The following SPEG variants were observed in gnomAD, a reference collection of about 807,000 sequenced individuals.
SPEG encodes striated muscle enriched protein kinase, also known as striated muscle preferentially expressed protein kinase.
Under a neutral mutation model 300.4 loss-of-function variants are expected in SPEG, and 114 were observed. That is an observed-to-expected ratio of 0.38 (90% CI 0.33 to 0.44). The LOEUF (loss-of-function observed/expected upper bound fraction) is 0.44, where lower values mean the gene tolerates loss of function less well. SPEG is among the 20% of genes least tolerant of loss of function. The pLI is 1.00. For missense variants in SPEG, 4,201 were observed against 4,586.2 expected, an observed-to-expected ratio of 0.92 and a Z score of 2.43; for synonymous variants, 1,964 against 2,018.9, an observed-to-expected ratio of 0.97 and a Z score of 0.73.
At chr2:219,455,601 G>A (rs566758420) in intron 6 of SPEG, among the ~76,000 whole-genome samples, 1 of 152,310 alleles carries the variant, frequency 6.6e-6, no homozygotes, top group East Asian at 1.9e-4. Flanking sequence ...GGTCTCTCAA[G>A]CCTACACTCC....
rs1259324257 is a variant in SPEG at position 219,490,487 on chromosome 2, T to G, written c.9000T>G (p.Ala3000=). Reference sequence around the variant, plus strand: ...TCGTGGCCAAGATCGTGCCCTATGCTGCCGAGGGCAAGCGGCGGGTCCTGC... The same window carrying G: ...TCGTGGCCAAGATCGTGCCCTATGCGGCCGAGGGCAAGCGGCGGGTCCTGC... The part of the protein sequence containing the change: ...RTFVAKIVPY[A]AEGKRRVLQE... The change falls in exon 37 of 41, where the codon GCT becomes GCG. Residue 3000 remains alanine (A), a synonymous_variant. Coordinates refer to ENST00000312358, the MANE Select transcript of SPEG (RefSeq NM_005876.5). 6.2e-7 allele frequency: 1 copy of G among 1,613,634 alleles called. No homozygotes were observed.
At chr2:219,478,199 G>A in intron 22 of SPEG, 94 bp downstream of exon 22, 2 of 1,128,404 alleles carry the variant, frequency 1.8e-6, no homozygotes, top group Non-Finnish European at 2.6e-6. Context: ...AGTTTACAAA[G>A]TAGTCCCAAT....
chr2:219,483,923 G>T lies in SPEG; in HGVS notation c.6460G>T (p.Ala2154Ser). The change falls in exon 30 of 41, where the codon GCC (alanine) becomes TCC (serine). Residue 2154 changes from alanine to serine, a missense_variant. Around this residue, in one of 4 missense-constraint regions of SPEG, gnomAD observed 1,578 missense variants for 1,506.0 expected, o/e 1.05. Coordinates refer to ENST00000312358, the MANE Select transcript of SPEG (RefSeq NM_005876.5). The stretch of plus-strand genomic sequence containing the variant: ...GGGGGCGCCCCTCGAGATCCCCGTG[G>T]CCAGGCTTGGGGCCCGTAGGCTACA... ...RAGAPLEIPV[A>S]RLGARRLQES... The T allele has an allele frequency of 6.2e-7, 1 of 1,604,070 alleles. No individual in the cohort carries two copies. Among genetic ancestry groups the T allele is most frequent in the Non-Finnish European group, 8.5e-7 (1 of 1,179,486 alleles).
At chr2:219,456,879 G>A (rs568681086) in intron 6 of SPEG, among the ~76,000 whole-genome samples, 2 of 75,392 alleles carry the variant, frequency 2.7e-5, no homozygotes, top group Non-Finnish European at 3.5e-5. Flanking sequence ...ATTGCACTCC[G>A]GCCTGGGCGA....
intron 22 of SPEG, 110 bp downstream of exon 22, chr2:219,478,215 A>G (rs1692525829): frequency 2.2e-6 from 2 of 897,768 alleles, no homozygotes; most frequent in Admixed American, 5.2e-5. Context: ...CCAATTGACA[A>G]TTGGGAGGGA....
In SPEG at chr2:219,477,059, T is replaced by C; in HGVS notation, c.4560+77T>C. 1 of 1,331,438 alleles carries C rather than the reference T, an allele frequency of 7.5e-7. No homozygotes were observed. The highest frequency in any genetic ancestry group is 1.0e-6 in the Non-Finnish European group (1 of 964,208). The allele number at this position is 1,331,438 out of a possible 1,614,324, so 82.5% of individuals were successfully genotyped here. On this transcript the variant is annotated intron_variant, in intron 19 of 40. Transcript: ENST00000312358. The surrounding 1 kb of genome is among the most constrained non-coding windows in gnomAD (Gnocchi z 6.4). The stretch of plus-strand genomic sequence containing the variant: ...GGGCGTGGGAGGGTCCTGGAAGGCC[T>C]TAGGAGGGCGGAGCCCGGGCAGAGG...
Position 219,493,084 on chromosome 2 carries a change from G to C in SPEG, c.*298G>C. 1.6e-6 allele frequency: 1 copy of C among 640,214 alleles called. No homozygotes were observed. Among genetic ancestry groups the C allele is most frequent in the Non-Finnish European group, 2.9e-6 (1 of 346,012 alleles). The allele number at this position is 640,214 out of a possible 1,614,324, so 39.7% of individuals were successfully genotyped here. ...GGAGAGGAAAAGGAATCGAGGGACA[G>C]GAAGGGGGAGGCTCTAGGAAGGTTC... On this transcript the variant is annotated 3_prime_UTR_variant, in exon 41 of 41. Transcript: ENST00000312358.
chr2:219,487,179 C>T (rs1333208248), intron 31 of SPEG, among the ~76,000 whole-genome samples: 1 of 152,098 alleles, frequency 6.6e-6, no homozygotes, highest in African/African-American at 2.4e-5. Context: ...AGGGATCATG[C>T]ACTCAAATCC....
At chr2:219,466,730 G>A in intron 9 of SPEG, 1 of 1,004,030 alleles carries the variant, frequency 1.0e-6, no homozygotes, top group Non-Finnish European at 1.2e-6. Context: ...TGTCAGGGCT[G>A]GGGTGCTCTG....
At position 219,469,155 on chromosome 2, in the gene SPEG, G is replaced by T; in HGVS notation, c.3492-1G>T. On this transcript the variant is annotated splice_acceptor_variant, in intron 12 of 40. Coordinates refer to ENST00000312358, the MANE Select transcript of SPEG (RefSeq NM_005876.5). LOFTEE classifies it high-confidence loss of function. ...CTGTGGGCAGCTGTGTGGTCTTGCA[G>T]CTCGAAGCTGGAGAAGATGCCATCC... 1 of 1,613,758 alleles carries T rather than the reference G, an allele frequency of 6.2e-7. No individual in the cohort carries two copies. The highest frequency in any genetic ancestry group is 8.5e-7 in the Non-Finnish European group (1 of 1,179,952).
rs199997533 is a variant in SPEG at position 219,484,317 on chromosome 2, C to T, written c.6854C>T (p.Pro2285Leu). Residue 2285 changes from proline (P) to leucine (L), a missense_variant, in exon 30 of 41, where the codon CCA (proline) becomes CTA (leucine). Pro to Leu is a moderately conservative substitution (Grantham distance 98). Transcript: ENST00000312358. ...HAAVFARVASPPPGAPEKRVP... is the reference protein window; with the variant it reads ...HAAVFARVASLPPGAPEKRVP... ...GCTGTCTTTGCCAGGGTGGCCTCCC[C>T]ACCTCCGGGAGCCCCCGAGAAGCGC... The T allele has an allele frequency of 2.5e-4, 401 of 1,604,280 alleles. No individual in the cohort carries two copies. The highest frequency in any genetic ancestry group is 3.3e-4 in the Middle Eastern group (2 of 6,078).
intron 40 of SPEG, 70 bp from the exon 41 acceptor site, chr2:219,492,524 C>G: frequency 6.6e-7 from 1 of 1,514,720 alleles, no homozygotes; most frequent in Non-Finnish European, 9.0e-7. Flanking sequence ...CATGGGTCTG[C>G]GGGAGGACAG....
chr2:219,449,365 G>C (rs1689567392), intron 4 of SPEG, 94 bp downstream of exon 4: 1 of 1,050,912 alleles, frequency 9.5e-7, no homozygotes, highest in African/African-American at 1.7e-5. Flanking sequence ...GGGGGGTCGG[G>C]GGTTTCGCCT....
chr2:219,473,340 C>T lies in SPEG; in HGVS notation c.4148-164C>T. On this transcript the variant is annotated intron_variant, in intron 16 of 40. Transcript: ENST00000312358. The surrounding 1 kb of genome is among the most constrained non-coding windows in gnomAD (Gnocchi z 4.6). ...CAACCCCACAACCTCAGCTTTGCTG[C>T]TCTCTGGCTGTGTTCCCCTGACAAA... 1.2e-6 allele frequency: 1 copy of T among 805,152 alleles called. No individual in the cohort carries two copies. Among genetic ancestry groups the T allele is most frequent in the Non-Finnish European group, 2.0e-6 (1 of 509,342 alleles). 49.9% of individuals were successfully genotyped at this position (805,152 alleles called of 1,614,324 possible). A position where few individuals can be genotyped will look rare whatever the true frequency, so the allele number is the denominator to read the frequency against.
chr2:219,460,088 C>T (rs1690525697), intron 6 of SPEG, among the ~76,000 whole-genome samples: 1 of 152,258 alleles, frequency 6.6e-6, no homozygotes, highest in African/African-American at 2.4e-5. Context: ...CCGCTGTCCT[C>T]TTTAGCGGGG....
At position 219,448,857 on chromosome 2, in the gene SPEG, G is replaced by A. The variant is rs1192552218; in HGVS notation, c.1699G>A (p.Glu567Lys). 1.9e-5 allele frequency: 26 copies of A among 1,399,438 alleles called. No homozygotes were observed. Among genetic ancestry groups the A allele is most frequent in the Non-Finnish European group, 2.1e-5 (23 of 1,085,418 alleles). The allele number at this position is 1,399,438 out of a possible 1,614,324, so 86.7% of individuals were successfully genotyped here. The change falls in exon 4 of 41, where the codon GAG becomes AAG. Residue 567 changes from glutamate to lysine, a missense_variant. Physicochemically the swap from Glu to Lys is moderately conservative, Grantham distance 56. Transcript: ENST00000312358. ...GAGCAGCGCGGAGAAGCCGGGGGACGAGCCTGGGAGGCCCAGGAGCCGCGG... is the reference window on the plus strand; with the variant it reads ...GAGCAGCGCGGAGAAGCCGGGGGACAAGCCTGGGAGGCCCAGGAGCCGCGG... ...SPSSAEKPGDEPGRPRSRGPA... is the reference protein window; with the variant it reads ...SPSSAEKPGDKPGRPRSRGPA...
chr2:219,462,266 C>T (rs924519526), intron 7 of SPEG, 32 bp from the exon 8 acceptor site: 4 of 1,534,754 alleles, frequency 2.6e-6, no homozygotes. Context: ...TCTGCCCTGT[C>T]TTCCCCTGAC....
rs1172543594 is a variant in SPEG at position 219,492,612 on chromosome 2, G to A, written c.9630G>A (p.Gln3210=). 1 of 1,610,092 alleles carries A rather than the reference G, an allele frequency of 6.2e-7. No homozygotes were observed. The highest frequency in any genetic ancestry group is 1.3e-5 in the African/African-American group (1 of 75,052). Residue 3210 remains glutamine, a synonymous_variant, in exon 41 of 41, where the codon CAG becomes CAA. Transcript: ENST00000312358. ...CTGGCAGGAGCCGGCCCTCCCTGCA[G>A]GACTGCCTGGCCCACCCATGGTTGC... ...SVHPWSRPSL[Q]DCLAHPWLQD...
chr2:219,480,618 C>T lies in SPEG; in HGVS notation c.5343-53C>T. 1 of 1,601,424 alleles carries T rather than the reference C, an allele frequency of 6.2e-7. No individual in the cohort carries two copies. Among genetic ancestry groups the T allele is most frequent in the Non-Finnish European group, 8.6e-7 (1 of 1,168,538 alleles). ...GTCAGCAGTAGCAAAGAACTGCTCC[C>T]TTCCAGTCAGAGAGGGGCGGTCCTC... is the stretch of plus-strand genomic sequence containing the variant. On this transcript the variant is annotated intron_variant, in intron 25 of 40. Transcript: ENST00000312358. The surrounding 1 kb of genome is among the most constrained non-coding windows in gnomAD (Gnocchi z 5.3).
Sources: gnomAD v4.1 joint callset for allele counts (sites outside exome capture counted in the v4.1 genomes callset) on GRCh38, gnomAD v4.1.1 for gene constraint, gnomAD v4.1.1 regional missense constraint, Gnocchi (gnomAD v3.1) non-coding constraint, MANE v1.5 for transcripts, NCBI Gene and HGNC (gene_info 2026-07-23, HGNC 2026-07-21) for gene names.